CAMTA1: variants seen among roughly 807,000 people sequenced by gnomAD.
CAMTA1 encodes the protein calmodulin-binding transcription activator 1.
Under a neutral mutation model 170.9 loss-of-function variants are expected in CAMTA1, and 27 were observed. The ratio of observed to expected loss-of-function variants is 0.16; its 90% CI spans 0.12 to 0.22. CAMTA1 has a LOEUF of 0.22. Ranked by LOEUF, CAMTA1 falls within the 10% of genes least tolerant of loss-of-function variation. The probability of loss-of-function intolerance (pLI) is 1.00; values close to 1 mark genes in which losing one functional copy is unlikely to be tolerated. For synonymous variants in CAMTA1, 833 were observed against 891.5 expected, an observed-to-expected ratio of 0.93 and a Z score of 1.17; for missense variants, 1,619 against 2,217.2, an observed-to-expected ratio of 0.73 and a Z score of 5.42.
intron 3 of CAMTA1, among the ~76,000 whole-genome samples, chr1:6,957,652 A>G (rs536980490): frequency 8.7e-4 from 133 of 152,202 alleles, no homozygotes; most frequent in African/African-American, 3.1e-3. Context: ...GTAAGGACTC[A>G]TGTGATTCCA....
chr1:7,107,303 C>T (rs11120845), intron 4 of CAMTA1, among the ~76,000 whole-genome samples: 137,146 of 144,600 alleles, frequency 0.95, 64,927 homozygotes, highest in East Asian at 1. Flanking sequence ...TGTGTGTGTG[C>T]GCGCCCACAC....
intron 3 of CAMTA1, among the ~76,000 whole-genome samples, chr1:6,964,321 CGGAGGGTGCAGCGTCCTGGGTACCTGG>C (rs557965628): frequency 0.027 from 4,107 of 151,136 alleles, 70 homozygotes; most frequent in Middle Eastern, 0.045. Flanking sequence ...TCGGTGCCCC[CGGAGGGTGCAGCGTCCTGGGTACCTGG>C]GGAGGGCGCA....
chr1:7,655,299 TACAC>T (rs1196951662), intron 7 of CAMTA1, among the ~76,000 whole-genome samples: 1 of 86,716 alleles, frequency 1.2e-5, no homozygotes, highest in Non-Finnish European at 2.3e-5. Flanking sequence ...CACACACCTA[TACAC>T]ACACACCGTT....
intron 6 of CAMTA1, among the ~76,000 whole-genome samples, chr1:7,558,104 T>C (rs1174240967): frequency 6.6e-6 from 1 of 152,152 alleles, no homozygotes; most frequent in Non-Finnish European, 1.5e-5. Flanking sequence ...GCCACCCTCC[T>C]GTGACCCAAA....
intron 6 of CAMTA1, among the ~76,000 whole-genome samples, chr1:7,508,953 C>T (rs1575710977): frequency 6.6e-6 from 1 of 151,872 alleles, no homozygotes; most frequent in Non-Finnish European, 1.5e-5. Flanking sequence ...GGCTGGAAAA[C>T]GTGCAAAAAA....
At chr1:7,699,703 T>G (rs557163007) in intron 11 of CAMTA1, among the ~76,000 whole-genome samples, 1 of 152,354 alleles carries the variant, frequency 6.6e-6, no homozygotes, top group Admixed American at 6.5e-5. Context: ...TTTGTGATTA[T>G]AGTCACTTAG....
intron 3 of CAMTA1, among the ~76,000 whole-genome samples, chr1:6,869,324 A>G (rs1023070121): frequency 5.9e-5 from 9 of 152,232 alleles, no homozygotes; most frequent in African/African-American, 2.2e-4. Context: ...TGATGGGGAG[A>G]GAAGCTACTC....
chr1:7,038,895 C>G (rs1704023677), intron 3 of CAMTA1, among the ~76,000 whole-genome samples: 1 of 152,024 alleles, frequency 6.6e-6, no homozygotes, highest in East Asian at 1.9e-4. Flanking sequence ...CAAAAATTAG[C>G]CGGTCATAGT....
At chr1:7,385,723 C>T (rs2087882633) in intron 5 of CAMTA1, among the ~76,000 whole-genome samples, 1 of 152,218 alleles carries the variant, frequency 6.6e-6, no homozygotes, top group South Asian at 2.1e-4. Context: ...TCCCTGCTTT[C>T]CAAAGTGATT....
chr1:7,493,481 G>A (rs2995390), intron 6 of CAMTA1, among the ~76,000 whole-genome samples: 100,007 of 151,070 alleles, frequency 0.66, 34,256 homozygotes, highest in African/African-American at 0.83. Flanking sequence ...ATATAAACAG[G>A]CGTGCACACA....
At position 7,113,233 on chromosome 1, in the gene CAMTA1, G is replaced by C. The variant is rs1277516348; in HGVS notation, c.302+21862G>C. Among the ~76,000 whole-genome samples the C allele has an allele frequency of 6.6e-6, 1 of 152,234 alleles. No homozygotes were observed. Among genetic ancestry groups the C allele is most frequent in the African/African-American group, 2.4e-5 (1 of 41,464 alleles). Reference sequence around the variant, plus strand: ...AGGCTGGATCAACAAGAGGCCCCAGGACCTAGACAGCACCCTGGGGCCAGA... The same window carrying C: ...AGGCTGGATCAACAAGAGGCCCCAGCACCTAGACAGCACCCTGGGGCCAGA... On this transcript the variant is annotated intron_variant, in intron 4 of 22. Coordinates refer to ENST00000303635, the MANE Select transcript of CAMTA1 (RefSeq NM_015215.4). The surrounding 1 kb of genome is among the most constrained non-coding windows in gnomAD (Gnocchi z 4.5).
At position 7,736,460 on chromosome 1, in the gene CAMTA1, G is replaced by A; in HGVS notation, c.3183G>A (p.Lys1061=). 6.2e-7 allele frequency: 1 copy of A among 1,614,142 alleles called. No homozygotes were observed. The highest frequency in any genetic ancestry group is 8.5e-7 in the Non-Finnish European group (1 of 1,180,028). ...WAKSKHLIHS[K]TFRGMTLLHL... ...AGTCCAAGCACTTGATCCACTCAAA[G>A]ACTTTCCGCGGAATGACCCTACTCC... Residue 1061 remains lysine, a synonymous_variant, in exon 13 of 23, where the codon AAG becomes AAA. Transcript: ENST00000303635. The surrounding 1 kb of genome is among the most constrained non-coding windows in gnomAD (Gnocchi z 4.5).
chr1:6,835,255 A>T (rs553736308), intron 3 of CAMTA1, among the ~76,000 whole-genome samples: 54 of 152,298 alleles, frequency 3.5e-4, no homozygotes, highest in African/African-American at 1.2e-3. Context: ...CATTTTTCTA[A>T]GTTGGATGAA....
intron 3 of CAMTA1, among the ~76,000 whole-genome samples, chr1:7,042,561 T>C (rs1704634369): frequency 1.3e-5 from 2 of 152,284 alleles, no homozygotes; most frequent in South Asian, 4.1e-4. Flanking sequence ...GCTAAAAACC[T>C]CCCTGAGCCC....
intron 5 of CAMTA1, among the ~76,000 whole-genome samples, chr1:7,303,911 C>T (rs1326630249): frequency 1.3e-5 from 2 of 152,180 alleles, no homozygotes; most frequent in Non-Finnish European, 2.9e-5. Context: ...CACAGAACAA[C>T]CTGGACAAGT....
intron 3 of CAMTA1, among the ~76,000 whole-genome samples, chr1:7,042,161 C>T (rs749537999): frequency 1.2e-4 from 18 of 152,156 alleles, no homozygotes; most frequent in Non-Finnish European, 2.4e-4. Flanking sequence ...CTTCTGCTGC[C>T]CTGGCTTAGG....
chr1:6,814,947 C>G (rs1459778352), intron 1 of CAMTA1, among the ~76,000 whole-genome samples: 1 of 152,002 alleles, frequency 6.6e-6, no homozygotes, highest in East Asian at 1.9e-4. Context: ...ATGAATGTGC[C>G]TGTGTGTAAC....
At position 7,542,879 on chromosome 1, in the gene CAMTA1, G is replaced by GTGTGTGTGTGTGTGTGTGTT. The variant is rs1459264062; in HGVS notation, c.510+74979_510+74980insGTGTGTGTGTGTGTGTGTTT. 8.0e-4 allele frequency among the ~76,000 whole-genome samples: 110 copies of GTGTGTGTGTGTGTGTGTGTT among 138,284 alleles called. 1 individual carries two copies. Among genetic ancestry groups the GTGTGTGTGTGTGTGTGTGTT allele is most frequent in the Admixed American group, 2.5e-3 (34 of 13,740 alleles). 90.7% of individuals were successfully genotyped at this position (138,284 alleles called of 152,430 possible). On this transcript the variant is annotated intron_variant, in intron 6 of 22. Coordinates refer to ENST00000303635, the MANE Select transcript of CAMTA1 (RefSeq NM_015215.4). ...TGTGTGTGTGTGTGTGTGTGTGTGT[G>GTGTGTGTGTGTGTGTGTGTT]TTTGAGCCGGAGTCTTGCTCTGTCA...
intron 3 of CAMTA1, among the ~76,000 whole-genome samples, chr1:6,942,467 G>C (rs779223714): frequency 1.2e-4 from 18 of 151,944 alleles, no homozygotes; most frequent in Non-Finnish European, 2.4e-4. Flanking sequence ...AGAGCAGCCT[G>C]GGCAACATAG....
Sources: gnomAD v4.1 joint callset for allele counts (sites outside exome capture counted in the v4.1 genomes callset) on GRCh38, gnomAD v4.1.1 for gene constraint, Gnocchi (gnomAD v3.1) non-coding constraint, MANE v1.5 for transcripts, NCBI Gene and HGNC (gene_info 2026-07-23, HGNC 2026-07-21) for gene names.